The following DTWD1 variants were observed in gnomAD, a reference collection of about 807,000 sequenced individuals.
The protein encoded by DTWD1 is DTW motif tRNA-uridine aminocarboxypropyltransferase 1.
In DTWD1, 27 loss-of-function variants were observed where a neutral mutation model predicts 30.2. The ratio of observed to expected loss-of-function variants is 0.90; its 90% CI spans 0.66 to 1.23. The LOEUF (loss-of-function observed/expected upper bound fraction) is 1.23. Ranked by LOEUF, DTWD1 falls within the 50% of genes most tolerant of loss-of-function variation. The pLI is 0.00. For synonymous variants in DTWD1, 99 were observed against 113.1 expected (o/e 0.88, Z 0.79); for missense variants, 342 against 348.8 (o/e 0.98, Z 0.15).
rs1272139121 is a variant in DTWD1 at position 49,632,270 on chromosome 15, T to C, written c.376T>C (p.Cys126Arg). 1 of 1,590,488 alleles carries C rather than the reference T, an allele frequency of 6.3e-7. No homozygotes were observed. The highest frequency in any genetic ancestry group is 1.4e-5 in the African/African-American group (1 of 73,532). The change falls in exon 3 of 5, where the codon TGT becomes CGT. Residue 126 changes from cysteine (C) to arginine (R), a missense_variant. Physicochemically the swap from Cys to Arg is radical, Grantham distance 180. Coordinates refer to ENST00000403028, the MANE Select transcript of DTWD1 (RefSeq NM_001144955.2). ...PEFVNIYTYP[C>R]IPEYEEKDHE... The stretch of plus-strand genomic sequence containing the variant: ...ATTTGTAAACATTTACACGTATCCG[T>C]GTATTCCAGAATATGAAGAAAAGGA...
At position 49,632,143 on chromosome 15, in the gene DTWD1, CT is replaced by C. The variant is rs562703964; in HGVS notation, c.265-9del. ...ATGTTTATATATTTTTTTATTTGTGCTTTTTTTACCTTTAGCTTCCATTGAA... is the reference window on the plus strand; with the variant it reads ...ATGTTTATATATTTTTTTATTTGTGCTTTTTTACCTTTAGCTTCCATTGAA... On this transcript the variant is annotated splice_polypyrimidine_tract_variant and intron_variant, in intron 2 of 4. Coordinates refer to ENST00000403028, the MANE Select transcript of DTWD1 (RefSeq NM_001144955.2). 3.4e-5 allele frequency: 52 copies of C among 1,544,688 alleles called. No individual in the cohort carries two copies. Among genetic ancestry groups the C allele is most frequent in the Middle Eastern group, 2.3e-4 (1 of 4,310 alleles).
rs777352639 is a variant in DTWD1 at position 49,643,572 on chromosome 15, A to G, written c.909A>G (p.Thr303=). The G allele has an allele frequency of 3.3e-5, 52 of 1,588,028 alleles. No individual in the cohort carries two copies. The highest frequency in any genetic ancestry group is 4.2e-5 in the Non-Finnish European group (49 of 1,170,366). The change falls in exon 5 of 5, where the codon ACA becomes ACG. Residue 303 remains threonine, a synonymous_variant. Coordinates refer to ENST00000403028, the MANE Select transcript of DTWD1 (RefSeq NM_001144955.2). ...CSGDKETGKL[T]H ...GAGATAAGGAAACAGGAAAACTTAC[A>G]CATTAGTTTTTAACAAGCCACTTAT... is the stretch of plus-strand genomic sequence containing the variant.
rs5812490 is a variant in DTWD1, at chr15:49,643,306, C to CTTTTTTT, written c.668-12_668-6dup. The CTTTTTTT allele has an allele frequency of 1.7e-4, 200 of 1,201,852 alleles. 1 individual carries two copies. Among genetic ancestry groups the CTTTTTTT allele is most frequent in the South Asian group, 1.1e-3 (51 of 47,216 alleles). 74.4% of individuals were successfully genotyped at this position (1,201,852 alleles called of 1,614,324 possible). A position where few individuals can be genotyped will look rare whatever the true frequency, so the allele number is the denominator to read the frequency against. ...ATTTATATTTTTTCTTTCTTTCTTT[C>CTTTTTTT]TTTTTTTTTTTTTTTTTTTGACAGG... On this transcript the variant is annotated intron_variant, in intron 4 of 4. Coordinates refer to ENST00000403028, the MANE Select transcript of DTWD1 (RefSeq NM_001144955.2).
intron 1 of DTWD1, among the ~76,000 whole-genome samples, chr15:49,624,044 C>T (rs1204722310): frequency 9.1e-6 from 1 of 109,434 alleles, no homozygotes; most frequent in Admixed American, 9.4e-5. Context: ...CTGGGACTTA[C>T]AATCTTAAAA....
At chr15:49,623,291 G>A (rs1366673162) in intron 1 of DTWD1, among the ~76,000 whole-genome samples, 1 of 152,134 alleles carries the variant, frequency 6.6e-6, no homozygotes, top group African/African-American at 2.4e-5. Context: ...ATGTTTCTCT[G>A]TAAGAACCTC....
At position 49,646,246 on chromosome 15, in the gene DTWD1, G is replaced by T. The variant is rs1168666295; in HGVS notation, c.*2668G>T. ...GACACCTACCTGATTCCAAACATGT[G>T]AGCAAGGAATGTCTATTATGCCACC... On this transcript the variant is annotated 3_prime_UTR_variant, in exon 5 of 5. Coordinates refer to ENST00000403028, the MANE Select transcript of DTWD1 (RefSeq NM_001144955.2). The T allele has an allele frequency of 6.6e-6, 1 of 152,218 alleles. No individual in the cohort carries two copies. The highest frequency in any genetic ancestry group is 1.5e-5 in the Non-Finnish European group (1 of 68,042). The allele number at this position is 152,218 out of a possible 1,614,324, so 9.4% of individuals were successfully genotyped here.
chr15:49,644,634 C>A lies in DTWD1; in HGVS notation c.*1056C>A, dbSNP rs981282505. 1 of 152,146 alleles carries A rather than the reference C, an allele frequency of 6.6e-6. No homozygotes were observed. The highest frequency in any genetic ancestry group is 1.5e-5 in the Non-Finnish European group (1 of 68,040). 9.4% of individuals were successfully genotyped at this position (152,146 alleles called of 1,614,324 possible). ...TGTTATTTATTTCCCTGGCTCCTTTCCTGCCATGTCATCATCAGTTGGCTG... is the reference window on the plus strand; with the variant it reads ...TGTTATTTATTTCCCTGGCTCCTTTACTGCCATGTCATCATCAGTTGGCTG... On this transcript the variant is annotated 3_prime_UTR_variant, in exon 5 of 5. Transcript: ENST00000403028.
intron 1 of DTWD1, among the ~76,000 whole-genome samples, chr15:49,622,388 G>C (rs1224957163): frequency 1.3e-5 from 2 of 152,190 alleles, no homozygotes; most frequent in African/African-American, 4.8e-5. Context: ...TCCTGACTTT[G>C]AGAGTGAAGA....
intron 1 of DTWD1, among the ~76,000 whole-genome samples, chr15:49,622,702 G>A (rs951205003): frequency 6.6e-6 from 1 of 152,052 alleles, no homozygotes; most frequent in Non-Finnish European, 1.5e-5. Flanking sequence ...TCTCACAGTC[G>A]AGGCAGGCTG....
chr15:49,632,424 G>T, intron 3 of DTWD1, 122 bp downstream of exon 3: 1 of 914,600 alleles, frequency 1.1e-6, no homozygotes, highest in Non-Finnish European at 1.6e-6. Context: ...ATTATGCTCA[G>T]GTAATGTTAG....
intron 1 of DTWD1, among the ~76,000 whole-genome samples, chr15:49,624,477 A>G (rs1024030804): frequency 6.6e-6 from 1 of 152,214 alleles, no homozygotes; most frequent in African/African-American, 2.4e-5. Flanking sequence ...TGAATGATGT[A>G]TGTTTTTAAA....
intron 4 of DTWD1, 125 bp downstream of exon 4, chr15:49,634,919 A>G: frequency 1.2e-6 from 1 of 863,816 alleles, no homozygotes; most frequent in South Asian, 2.6e-5. Context: ...TATTTACTTT[A>G]TTTCTCTCTT....
At position 49,656,046 on chromosome 15, in the gene DTWD1, T is replaced by C. The variant is rs1274506703; in HGVS notation, c.*12468T>C. ...ACAGTACAATTACAACAAGCATCAA[T>C]GAATATTTAATGAGCAGCTGTTAAT... On this transcript the variant is annotated 3_prime_UTR_variant, in exon 5 of 5. Transcript: ENST00000403028. 4 of 152,012 alleles carry C rather than the reference T, an allele frequency of 2.6e-5. No individual in the cohort carries two copies. In the East Asian group the frequency reaches 7.8e-4, roughly 29 times the overall value. The allele number at this position is 152,012 out of a possible 1,614,324, so 9.4% of individuals were successfully genotyped here.
At chr15:49,634,179 T>A (rs1277854015) in intron 3 of DTWD1, among the ~76,000 whole-genome samples, 3 of 152,220 alleles carry the variant, frequency 2.0e-5, no homozygotes, top group Non-Finnish European at 2.9e-5. Flanking sequence ...AAATGGCATT[T>A]AATCATTGAA....
In DTWD1 at chr15:49,651,318, C is replaced by G. The variant is rs62022670; in HGVS notation, c.*7740C>G. 2.0e-5 allele frequency: 3 copies of G among 152,124 alleles called. No homozygotes were observed. The highest frequency in any genetic ancestry group is 7.2e-5 in the African/African-American group (3 of 41,432). 9.4% of individuals were successfully genotyped at this position (152,124 alleles called of 1,614,324 possible). A position where few individuals can be genotyped will look rare whatever the true frequency, so the allele number is the denominator to read the frequency against. ...ATGAACTGTGAAGGTCTCTGTATTACGTGCAGTGCCCACCAGAGAGCATTC... is the reference window on the plus strand; with the variant it reads ...ATGAACTGTGAAGGTCTCTGTATTAGGTGCAGTGCCCACCAGAGAGCATTC... On this transcript the variant is annotated 3_prime_UTR_variant, in exon 5 of 5. Coordinates refer to ENST00000403028, the MANE Select transcript of DTWD1 (RefSeq NM_001144955.2).
intron 2 of DTWD1, chr15:49,626,687 C>A: frequency 2.7e-6 from 1 of 377,254 alleles, no homozygotes; most frequent in South Asian, 1.9e-5. Context: ...TTTTAAAGTT[C>A]ATTTGAATTT....
At position 49,649,856 on chromosome 15, in the gene DTWD1, A is replaced by T. The variant is rs1433544455; in HGVS notation, c.*6278A>T. The T allele has an allele frequency of 6.6e-6, 1 of 152,214 alleles. No homozygotes were observed. Among genetic ancestry groups the T allele is most frequent in the African/African-American group, 2.4e-5 (1 of 41,468 alleles). 9.4% of individuals were successfully genotyped at this position (152,214 alleles called of 1,614,324 possible). A position where few individuals can be genotyped will look rare whatever the true frequency, so the allele number is the denominator to read the frequency against. On this transcript the variant is annotated 3_prime_UTR_variant, in exon 5 of 5. Coordinates refer to ENST00000403028, the MANE Select transcript of DTWD1 (RefSeq NM_001144955.2). ...TATGTGTCAAATTATTGTCTAGGTG[A>T]TGGCTATAGCATGCCGAGGTAGTAA...
chr15:49,643,286 T>C (rs1332510532), intron 4 of DTWD1, 45 bp from the exon 5 acceptor site: 1 of 1,451,168 alleles, frequency 6.9e-7, no homozygotes, highest in Non-Finnish European at 9.1e-7. Flanking sequence ...GAAATATTTA[T>C]ATTTTTTCTT....
intron 3 of DTWD1, among the ~76,000 whole-genome samples, chr15:49,633,043 C>CTATATATA (rs368196512): frequency 1.1e-4 from 14 of 129,528 alleles, no homozygotes; most frequent in East Asian, 4.1e-4. Context: ...CTATTTATAT[C>CTATATATA]TATATCTATA....
Sources: allele counts gnomAD v4.1 joint callset (sites outside exome capture counted in the v4.1 genomes callset), GRCh38; gene constraint gnomAD v4.1.1; transcripts MANE v1.5; gene names NCBI Gene and HGNC (gene_info 2026-07-23, HGNC 2026-07-21).